Variants in N4BP2L2 observed in about 807,000 individuals in gnomAD.
The protein encoded by N4BP2L2 is NEDD4 binding protein 2 like 2.
In N4BP2L2, 50 loss-of-function variants were observed where a neutral mutation model predicts 56.2. The ratio of observed to expected loss-of-function variants is 0.89; its 90% CI spans 0.71 to 1.13. N4BP2L2 has a LOEUF of 1.13. N4BP2L2 is among the 50% of genes most tolerant of loss of function. The pLI is 0.00. For synonymous variants in N4BP2L2, 203 were observed against 223.6 expected (o/e 0.91, Z 0.82); for missense variants, 689 against 693.8 (o/e 0.99, Z 0.08).
rs900722168 is a variant in N4BP2L2 at position 32,517,176 on chromosome 13, C to T, written c.*626G>A. On this transcript the variant is annotated 3_prime_UTR_variant, in exon 6 of 6. Coordinates refer to ENST00000267068, the Ensembl canonical transcript of N4BP2L2. ...GATGGGTTGAGAAGGAGGATGATAA[C>T]TATGTATGCATTACAAGATGAATAT... The T allele has an allele frequency of 6.1e-6, 6 of 985,264 alleles. No individual in the cohort carries two copies. In the African/African-American group the frequency reaches 8.7e-5, roughly 14 times the overall value. The allele number at this position is 985,264 out of a possible 1,614,324, so 61.0% of individuals were successfully genotyped here.
chr13:32,537,065 T>C (rs748484386), intron 1 of N4BP2L2, 38 bp from the exon 2 acceptor site: 32 of 1,300,168 alleles, frequency 2.5e-5, no homozygotes, highest in Non-Finnish European at 3.0e-5. Flanking sequence ...CTAGCTAATA[T>C]ATTAAAAATC....
chr13:32,436,437 T>G (rs981068544), intron 8 of N4BP2L2: 54 of 1,019,618 alleles, frequency 5.3e-5, no homozygotes, highest in Non-Finnish European at 7.2e-5. Flanking sequence ...CATAAAATAT[T>G]AATATTTGGC....
At chr13:32,468,313 G>A (rs2081615257) in intron 6 of N4BP2L2, among the ~76,000 whole-genome samples, 1 of 151,362 alleles carries the variant, frequency 6.6e-6, no homozygotes, top group Admixed American at 6.6e-5. Context: ...TATGAAAAGA[G>A]GAATATTTTA....
chr13:32,497,371 C>A (rs144369979), intron 6 of N4BP2L2, among the ~76,000 whole-genome samples: 1 of 152,200 alleles, frequency 6.6e-6, no homozygotes, highest in East Asian at 1.9e-4. Flanking sequence ...GGCCTCCTTG[C>A]TCCCAAGATT....
At chr13:32,458,442 A>G (rs1453928803) in intron 6 of N4BP2L2, among the ~76,000 whole-genome samples, 1 of 152,214 alleles carries the variant, frequency 6.6e-6, no homozygotes, top group Non-Finnish European at 1.5e-5. Flanking sequence ...ATACAGACTG[A>G]AAGTAAAGGA....
At chr13:32,526,818 GTTTTTTTTTT>G (rs35925361) in intron 3 of N4BP2L2, 50 of 24,234 alleles carry the variant, frequency 2.1e-3, no homozygotes, top group Admixed American at 2.4e-3. Flanking sequence ...CTTTTTGTCT[GTTTTTTTTTT>G]TTTTTTTTTT....
At chr13:32,485,236 T>A (rs1425202172) in intron 6 of N4BP2L2, among the ~76,000 whole-genome samples, 2 of 152,148 alleles carry the variant, frequency 1.3e-5, no homozygotes, top group African/African-American at 4.8e-5. Flanking sequence ...AAAAAGGAAA[T>A]CAGAAGAGTT....
intron 2 of N4BP2L2, among the ~76,000 whole-genome samples, chr13:32,529,657 GTTTTT>G (rs11340287): frequency 3.4e-5 from 5 of 145,832 alleles, no homozygotes; most frequent in African/African-American, 7.6e-5. Context: ...TTCCTTTTTT[GTTTTT>G]TTTTTTGTTT....
chr13:32,478,784 C>T (rs113890516), intron 6 of N4BP2L2: 1 of 151,944 alleles, frequency 6.6e-6, no homozygotes, highest in Non-Finnish European at 1.5e-5. Flanking sequence ...TTCGGAAGTA[C>T]AAAAAAGCGA....
chr13:32,475,371 C>T (rs115577584), intron 6 of N4BP2L2, among the ~76,000 whole-genome samples: 1,850 of 152,212 alleles, frequency 0.012, 41 homozygotes, highest in African/African-American at 0.042. Context: ...GAGAAAGCTT[C>T]CTCATGCAGA....
intron 7 of N4BP2L2, among the ~76,000 whole-genome samples, chr13:32,440,049 A>C (rs1267680993): frequency 6.6e-6 from 1 of 151,938 alleles, no homozygotes; most frequent in Non-Finnish European, 1.5e-5. Context: ...AAGAAAAGGA[A>C]AAAGAAAAAT....
At chr13:32,519,705 T>G (rs879266691) in intron 5 of N4BP2L2, among the ~76,000 whole-genome samples, 3 of 151,914 alleles carry the variant, frequency 2.0e-5, no homozygotes, top group Non-Finnish European at 4.4e-5. Context: ...GTGACAGCAG[T>G]AGACCCTGTC....
intron 6 of N4BP2L2, among the ~76,000 whole-genome samples, chr13:32,459,343 A>G (rs952444844): frequency 6.6e-6 from 1 of 152,150 alleles, no homozygotes; most frequent in Non-Finnish European, 1.5e-5. Flanking sequence ...TAATGAAACA[A>G]AAAGTGTTTT....
intron 6 of N4BP2L2, among the ~76,000 whole-genome samples, chr13:32,455,494 G>A (rs1456441172): frequency 6.6e-6 from 1 of 152,200 alleles, no homozygotes; most frequent in African/African-American, 2.4e-5. Flanking sequence ...CGTACTACAG[G>A]CAGTAATCCC....
At chr13:32,462,861 TAAAAAAAAAAAAAA>T (rs569068082) in intron 6 of N4BP2L2, among the ~76,000 whole-genome samples, 194 of 51,124 alleles carry the variant, frequency 3.8e-3, no homozygotes, top group African/African-American at 6.1e-3. Flanking sequence ...CTGTCTTTAC[TAAAAAAAAAAAAAA>T]AAAAAAAAAA....
chr13:32,512,849 G>A (rs528010392), exon 6 of N4BP2L2: 4 of 152,338 alleles, frequency 2.6e-5, no homozygotes, highest in Admixed American at 6.5e-5. Flanking sequence ...GGCTAACAAG[G>A]TGAAACCCCG....
exon 6 of N4BP2L2, chr13:32,513,359 C>A (rs1049438074): frequency 1.3e-5 from 2 of 152,052 alleles, no homozygotes; most frequent in African/African-American, 4.8e-5. Flanking sequence ...ATCACTAATC[C>A]CTATATTTTT....
chr13:32,444,171 T>A, intron 6 of N4BP2L2: 1 of 1,380,578 alleles, frequency 7.2e-7, no homozygotes, highest in Non-Finnish European at 9.5e-7. Context: ...TAATTACATG[T>A]ATAACATAAG....
At chr13:32,538,208 C>A (rs537240258) in intron 1 of N4BP2L2, among the ~76,000 whole-genome samples, 1 of 152,190 alleles carries the variant, frequency 6.6e-6, no homozygotes, top group South Asian at 2.1e-4. Flanking sequence ...GACAAAAAGG[C>A]GAACTACAGA....
Sources: gnomAD v4.1 joint callset for allele counts (sites outside exome capture counted in the v4.1 genomes callset) on GRCh38, gnomAD v4.1.1 for gene constraint, MANE v1.5 for transcripts, NCBI Gene and HGNC (gene_info 2026-07-23, HGNC 2026-07-21) for gene names.